Variants in ZFYVE28 observed in about 807,000 individuals in gnomAD.
ZFYVE28 encodes the protein lateral signaling target protein 2 homolog.
Under a neutral mutation model 82.1 loss-of-function variants are expected in ZFYVE28, and 40 were observed. That is an observed-to-expected ratio of 0.49 (90% confidence interval 0.38 to 0.63). ZFYVE28 has a LOEUF of 0.63. Among genes scored for constraint, ZFYVE28 ranks in the 30% least tolerant of loss-of-function variants. ZFYVE28 has a pLI of 0.00. For synonymous variants in ZFYVE28, 612 were observed against 546.1 expected (o/e 1.12, Z -1.68); for missense variants, 1,321 against 1,242.1 (o/e 1.06, Z -0.96).
chr4:2,394,189 C>T lies in ZFYVE28; in HGVS notation c.39+24096G>A, dbSNP rs566280602. On this transcript the variant is annotated intron_variant, in intron 1 of 12. Coordinates refer to ENST00000290974, the MANE Select transcript of ZFYVE28 (RefSeq NM_020972.3). The surrounding 1 kb of genome is among the most constrained non-coding windows in gnomAD (Gnocchi z 4.0). ...GTTCCACTGGGGCCACCGACATAAT[C>T]CAGGAAAATTTCATGATCGGAAGGT... 6.6e-6 allele frequency among the ~76,000 whole-genome samples: 1 copy of T among 152,312 alleles called. No individual in the cohort carries two copies. Among genetic ancestry groups the T allele is most frequent in the South Asian group, 2.1e-4 (1 of 4,826 alleles).
chr4:2,277,999 G>C (rs891215892), intron 8 of ZFYVE28, among the ~76,000 whole-genome samples: 7 of 152,152 alleles, frequency 4.6e-5, no homozygotes, highest in Non-Finnish European at 8.8e-5. Context: ...CAATGAGACC[G>C]AGAGTCCGCA....
chr4:2,328,782 C>T lies in ZFYVE28; in HGVS notation c.701+6923G>A, dbSNP rs1578111483. ...ACCCAAGATGACACATGAAGTTAACCATCGCAGGGTCCAACTTTGTTCTTT... is the reference window on the plus strand; with the variant it reads ...ACCCAAGATGACACATGAAGTTAACTATCGCAGGGTCCAACTTTGTTCTTT... On this transcript the variant is annotated intron_variant, in intron 6 of 12. Coordinates refer to ENST00000290974, the MANE Select transcript of ZFYVE28 (RefSeq NM_020972.3). 2.1e-5 allele frequency: 5 copies of T among 234,288 alleles called. 2 individuals carry two copies. In the Admixed American group the frequency reaches 2.8e-4, roughly 13 times the overall value. The allele number at this position is 234,288 out of a possible 1,614,324, so 14.5% of individuals were successfully genotyped here. A position where few individuals can be genotyped will look rare whatever the true frequency, so the allele number is the denominator to read the frequency against.
In ZFYVE28 at chr4:2,409,587, G is replaced by A. The variant is rs140752693; in HGVS notation, c.39+8698C>T. On this transcript the variant is annotated intron_variant, in intron 1 of 12. Transcript: ENST00000290974. This position sits in a 1 kb window ranked among gnomAD's most constrained non-coding sequence, Gnocchi z 4.4. ...TCCGCTGGCTGCTCGCTGTCCCTCC[G>A]ATCCCTGGCTCAGGCAAGGCCCACA... Among the ~76,000 whole-genome samples the A allele has an allele frequency of 5.3e-5, 8 of 152,284 alleles. No homozygotes were observed. The highest frequency in any genetic ancestry group is 1.4e-4 in the African/African-American group (6 of 41,564).
chr4:2,336,660 G>A, intron 5 of ZFYVE28, among the ~76,000 whole-genome samples: 1 of 152,196 alleles, frequency 6.6e-6, no homozygotes, highest in South Asian at 2.1e-4. Flanking sequence ...GAGGATTGAG[G>A]AGTGAGGATG....
At chr4:2,303,414 C>A (rs575887991) in intron 8 of ZFYVE28, among the ~76,000 whole-genome samples, 1 of 152,228 alleles carries the variant, frequency 6.6e-6, no homozygotes, top group Non-Finnish European at 1.5e-5. Flanking sequence ...CCGGCTCCCA[C>A]GGCTCCTGGT....
intron 1 of ZFYVE28, chr4:2,364,443 G>A: frequency 1.0e-6 from 1 of 985,458 alleles, no homozygotes; most frequent in East Asian, 1.1e-4. Context: ...TGCCAGGAAA[G>A]GCTGGCAGCT....
chr4:2,418,209 G>T lies in ZFYVE28; in HGVS notation c.39+76C>A. 7.1e-7 allele frequency: 1 copy of T among 1,411,680 alleles called. No homozygotes were observed. The highest frequency in any genetic ancestry group is 1.3e-5 in the South Asian group (1 of 76,244). The allele number at this position is 1,411,680 out of a possible 1,614,324, so 87.4% of individuals were successfully genotyped here. Reference sequence around the variant, plus strand: ...CGGACAGGGAAAGGGAGTCCGTCTTGTAGGGCGGACGGGCGGTCCTGGGGA... The same window carrying T: ...CGGACAGGGAAAGGGAGTCCGTCTTTTAGGGCGGACGGGCGGTCCTGGGGA... On this transcript the variant is annotated intron_variant, in intron 1 of 12. Coordinates refer to ENST00000290974, the MANE Select transcript of ZFYVE28 (RefSeq NM_020972.3). The surrounding 1 kb of genome is among the most constrained non-coding windows in gnomAD (Gnocchi z 4.6).
In ZFYVE28 at chr4:2,363,000, G is replaced by A. The variant is rs1250529379; in HGVS notation, c.40-8927C>T. On this transcript the variant is annotated intron_variant, in intron 1 of 12. Transcript: ENST00000290974. The surrounding 1 kb of genome is among the most constrained non-coding windows in gnomAD (Gnocchi z 5.1). ...AAGCCCTGGGCTCATCACCATCCCC[G>A]TGGTCCCCTCAACCCCATTACATGG... 2.7e-5 allele frequency among the ~76,000 whole-genome samples: 4 copies of A among 145,468 alleles called. No homozygotes were observed. Among genetic ancestry groups the A allele is most frequent in the South Asian group, 2.2e-4 (1 of 4,586 alleles).
At chr4:2,387,619 C>T (rs993732922) in intron 1 of ZFYVE28, among the ~76,000 whole-genome samples, 1 of 152,186 alleles carries the variant, frequency 6.6e-6, no homozygotes, top group African/African-American at 2.4e-5. Flanking sequence ...GGGCCATCCT[C>T]TAAGCACACC....
rs1321861074 is a variant in ZFYVE28, at chr4:2,418,354, G to A, written c.-31C>T. The A allele has an allele frequency of 9.5e-6, 14 of 1,479,066 alleles. No homozygotes were observed. The highest frequency in any genetic ancestry group is 3.0e-5 in the East Asian group (1 of 33,322). The allele number at this position is 1,479,066 out of a possible 1,614,324, so 91.6% of individuals were successfully genotyped here. The stretch of plus-strand genomic sequence containing the variant: ...CGCCGGCCCTGGCCGGACTCCGGGC[G>A]GCCCTCGCCCTCCGCAGCGCTGCGC... On this transcript the variant is annotated 5_prime_UTR_variant, in exon 1 of 13. Transcript: ENST00000290974. This position sits in a 1 kb window ranked among gnomAD's most constrained non-coding sequence, Gnocchi z 4.6.
intron 1 of ZFYVE28, among the ~76,000 whole-genome samples, chr4:2,366,765 C>A (rs1226260719): frequency 6.6e-6 from 1 of 152,226 alleles, no homozygotes; most frequent in East Asian, 1.9e-4. Flanking sequence ...TCCCCAGAAG[C>A]CGGACCCTGG....
Position 2,339,971 on chromosome 4 carries a change from G to A in ZFYVE28, c.319-316C>T, listed in dbSNP as rs1011994831. ...GGAGGGGAGGGGAAGGTGGACTGAG[G>A]CCCTTGGGTCTGGGGGCTCCCTGCA... On this transcript the variant is annotated intron_variant, in intron 3 of 12. Coordinates refer to ENST00000290974, the MANE Select transcript of ZFYVE28 (RefSeq NM_020972.3). The surrounding 1 kb of genome is among the most constrained non-coding windows in gnomAD (Gnocchi z 5.0). Among the ~76,000 whole-genome samples the A allele has an allele frequency of 9.2e-5, 14 of 151,656 alleles. No individual in the cohort carries two copies. The highest frequency in any genetic ancestry group is 3.4e-4 in the African/African-American group (14 of 41,272).
chr4:2,274,147 A>T lies in ZFYVE28; in HGVS notation c.2121T>A (p.Ala707=), dbSNP rs1311685474. ...GPEAAPAATH[A]APQATREKIR... ...TCTTCTCTCTTGTGGCCTGTGGGGC[A>T]GCATGCGTGGCTGCTGGGGCCGCCT... Residue 707 remains alanine, a synonymous_variant, in exon 9 of 13, where the codon GCT becomes GCA. Coordinates refer to ENST00000290974, the MANE Select transcript of ZFYVE28 (RefSeq NM_020972.3). 2.5e-6 allele frequency: 4 copies of T among 1,613,942 alleles called. No individual in the cohort carries two copies. The South Asian group carries it at 3.3e-5, about 13-fold the overall frequency.
At chr4:2,405,629 G>T (rs1321731307) in intron 1 of ZFYVE28, among the ~76,000 whole-genome samples, 3 of 152,234 alleles carry the variant, frequency 2.0e-5, no homozygotes, top group African/African-American at 7.2e-5. Context: ...CAGGAGAGTG[G>T]CCCCCGTGCC....
At chr4:2,376,294 T>G (rs1728126061) in intron 1 of ZFYVE28, among the ~76,000 whole-genome samples, 1 of 145,720 alleles carries the variant, frequency 6.9e-6, no homozygotes, top group Non-Finnish European at 1.5e-5. Flanking sequence ...CCCAGCACTT[T>G]GGGTGGCTGA....
intron 1 of ZFYVE28, among the ~76,000 whole-genome samples, chr4:2,359,675 C>T (rs926884959): frequency 1.3e-5 from 2 of 152,178 alleles, no homozygotes; most frequent in African/African-American, 2.4e-5. Context: ...AAATACATTC[C>T]TACCGTTCCG....
At chr4:2,410,181 G>T (rs1026304063) in intron 1 of ZFYVE28, among the ~76,000 whole-genome samples, 1 of 152,230 alleles carries the variant, frequency 6.6e-6, no homozygotes, top group East Asian at 1.9e-4. Context: ...CGTTCACAAT[G>T]CTGCCCAACC....
intron 8 of ZFYVE28, among the ~76,000 whole-genome samples, chr4:2,303,213 C>T (rs1304826054): frequency 1.3e-5 from 2 of 152,138 alleles, no homozygotes; most frequent in Non-Finnish European, 1.5e-5. Flanking sequence ...CGTCACGGGA[C>T]CCTGGTCACT....
intron 1 of ZFYVE28, among the ~76,000 whole-genome samples, chr4:2,398,231 G>C (rs1730699849): frequency 6.6e-6 from 1 of 152,206 alleles, no homozygotes; most frequent in Admixed American, 6.5e-5. Flanking sequence ...CCCGTGCCAG[G>C]GTGCAGGGCA....
Sources: allele counts gnomAD v4.1 joint callset (sites outside exome capture counted in the v4.1 genomes callset), GRCh38; gene constraint gnomAD v4.1.1; non-coding constraint Gnocchi (gnomAD v3.1); transcripts MANE v1.5; gene names NCBI Gene and HGNC (gene_info 2026-07-23, HGNC 2026-07-21).